CACNA2D3: variants seen among roughly 807,000 people sequenced by gnomAD.
CACNA2D3 encodes voltage-dependent calcium channel subunit alpha-2/delta-3.
In CACNA2D3, 60 loss-of-function variants were observed where a neutral mutation model predicts 160.6. That is an observed-to-expected ratio of 0.37 (90% CI 0.30 to 0.46). CACNA2D3 has a LOEUF of 0.46. CACNA2D3 is among the 20% of genes least tolerant of loss of function. The pLI, the probability that CACNA2D3 is intolerant of heterozygous loss-of-function variation, is 1.00. For synonymous variants in CACNA2D3, 558 were observed against 492.9 expected, an observed-to-expected ratio of 1.13 and a Z score of -1.75; for missense variants, 1,205 against 1,365.0, an observed-to-expected ratio of 0.88 and a Z score of 1.85.
chr3:54,492,895 C>A (rs557430393), intron 4 of CACNA2D3, among the ~76,000 whole-genome samples: 2 of 151,790 alleles, frequency 1.3e-5, no homozygotes, highest in Non-Finnish European at 2.9e-5. Flanking sequence ...CGGAGTGAGC[C>A]CAGAGAGAAT....
chr3:54,635,530 G>A (rs1325597058), intron 10 of CACNA2D3, among the ~76,000 whole-genome samples: 3 of 151,972 alleles, frequency 2.0e-5, no homozygotes, highest in African/African-American at 4.8e-5. Flanking sequence ...AAGTTGGTCC[G>A]GTGTCTGGAA....
intron 2 of CACNA2D3, among the ~76,000 whole-genome samples, chr3:54,312,896 A>G (rs1269321373): frequency 1.3e-5 from 2 of 152,184 alleles, no homozygotes; most frequent in Non-Finnish European, 2.9e-5. Context: ...ATCTCTGCTT[A>G]CTGCACCAAG....
chr3:54,582,494 C>T (rs1380435244), intron 9 of CACNA2D3, among the ~76,000 whole-genome samples: 1 of 152,180 alleles, frequency 6.6e-6, no homozygotes, highest in Non-Finnish European at 1.5e-5. Flanking sequence ...ATCCTGTTTC[C>T]CTTTAGCCAC....
At chr3:54,905,270 G>T (rs1022206035) in intron 27 of CACNA2D3, among the ~76,000 whole-genome samples, 6 of 152,172 alleles carry the variant, frequency 3.9e-5, no homozygotes, top group Non-Finnish European at 5.9e-5. Context: ...GTGTAATGAA[G>T]GGGAAGATCC....
chr3:54,442,794 C>T (rs1216813918), intron 4 of CACNA2D3, among the ~76,000 whole-genome samples: 1 of 152,146 alleles, frequency 6.6e-6, no homozygotes, highest in Non-Finnish European at 1.5e-5. Flanking sequence ...AAGGGCCCTG[C>T]CTATGTACAG....
At chr3:54,888,154 T>C in intron 24 of CACNA2D3, 102 bp downstream of exon 24, 1 of 910,222 alleles carries the variant, frequency 1.1e-6, no homozygotes. Context: ...AACCTGGTGT[T>C]AAAGTTCTTT....
At chr3:54,375,678 G>C (rs1699001092) in intron 3 of CACNA2D3, among the ~76,000 whole-genome samples, 1 of 151,944 alleles carries the variant, frequency 6.6e-6, no homozygotes, top group Non-Finnish European at 1.5e-5. Context: ...TTAGTGGGAA[G>C]TCACTGGTGG....
intron 27 of CACNA2D3, among the ~76,000 whole-genome samples, chr3:54,919,291 C>G (rs1210897492): frequency 6.6e-6 from 1 of 152,176 alleles, no homozygotes; most frequent in Non-Finnish European, 1.5e-5. Flanking sequence ...GTACCAGATT[C>G]CCATTGAAAA....
At position 55,073,489 on chromosome 3, in the gene CACNA2D3, T is replaced by G. The variant is rs1437821708; in HGVS notation, c.3032T>G (p.Val1011Gly). Residue 1011 changes from valine to glycine, a missense_variant, in exon 36 of 38, where the codon GTG becomes GGG. By Grantham distance (109) the Val-to-Gly change is moderately radical. Around this residue, in one of 3 missense-constraint regions of CACNA2D3, gnomAD observed 911 missense variants for 1,002.2 expected, o/e 0.91. Transcript: ENST00000474759. ...QQIPSSNLFM[V>G]VVDSSCLCES... Reference sequence around the variant, plus strand: ...ATCCCAAGCAGCAACCTGTTCATGGTGGTGGTGGACAGCAGCTGCCTCTGT... The same window carrying G: ...ATCCCAAGCAGCAACCTGTTCATGGGGGTGGTGGACAGCAGCTGCCTCTGT... 1 of 1,613,954 alleles carries G rather than the reference T, an allele frequency of 6.2e-7. No individual in the cohort carries two copies. The highest frequency in any genetic ancestry group is 8.5e-7 in the Non-Finnish European group (1 of 1,179,862).
intron 2 of CACNA2D3, among the ~76,000 whole-genome samples, chr3:54,211,102 A>G (rs1451023886): frequency 6.6e-6 from 1 of 152,144 alleles, no homozygotes; most frequent in Non-Finnish European, 1.5e-5. Context: ...GTAATAATTG[A>G]TATTAGTTTA....
chr3:54,376,226 G>T (rs1699009822), intron 3 of CACNA2D3, among the ~76,000 whole-genome samples: 1 of 144,862 alleles, frequency 6.9e-6, no homozygotes, highest in African/African-American at 2.5e-5. Flanking sequence ...TCTGCAGACA[G>T]GAGAGACTAG....
chr3:55,039,977 A>AG (rs1703922266), intron 35 of CACNA2D3, among the ~76,000 whole-genome samples: 1 of 152,106 alleles, frequency 6.6e-6, no homozygotes, highest in South Asian at 2.1e-4. Context: ...TAAAAAAAAA[A>AG]TACCGTAGGC....
At chr3:54,301,310 A>AT (rs1703472634) in intron 2 of CACNA2D3, among the ~76,000 whole-genome samples, 1 of 151,682 alleles carries the variant, frequency 6.6e-6, no homozygotes, top group African/African-American at 2.4e-5. Flanking sequence ...CAGAAAAAAA[A>AT]AAAAGAGGCC....
chr3:55,034,000 T>C (rs945430962), intron 35 of CACNA2D3, among the ~76,000 whole-genome samples: 7 of 149,734 alleles, frequency 4.7e-5, no homozygotes, highest in African/African-American at 1.7e-4. Flanking sequence ...TTCCAAAACA[T>C]TGGCTACTTA....
At chr3:54,349,442 A>G (rs1321177701) in intron 3 of CACNA2D3, among the ~76,000 whole-genome samples, 4 of 152,146 alleles carry the variant, frequency 2.6e-5, no homozygotes, top group Admixed American at 1.3e-4. Flanking sequence ...TATCAGCAAT[A>G]CCAGCCCCAT....
chr3:54,546,381 G>A (rs1414837251), intron 5 of CACNA2D3, among the ~76,000 whole-genome samples: 1 of 152,192 alleles, frequency 6.6e-6, no homozygotes, highest in Non-Finnish European at 1.5e-5. Flanking sequence ...CACCTAACTT[G>A]AAGAAGTAGA....
chr3:54,298,879 A>C (rs1411423257), intron 2 of CACNA2D3, among the ~76,000 whole-genome samples: 2 of 140,242 alleles, frequency 1.4e-5, no homozygotes, highest in African/African-American at 5.3e-5. Flanking sequence ...CAGGATGTCG[A>C]GGCTGCAGTG....
At chr3:54,374,077 C>T (rs574913980) in intron 3 of CACNA2D3, among the ~76,000 whole-genome samples, 6 of 152,226 alleles carry the variant, frequency 3.9e-5, no homozygotes, top group South Asian at 4.2e-4. Context: ...TATCTTTAGG[C>T]GTTTCAAGTA....
At chr3:55,041,928 C>T (rs556255358) in intron 35 of CACNA2D3, among the ~76,000 whole-genome samples, 219 of 151,902 alleles carry the variant, frequency 1.4e-3, no homozygotes, top group African/African-American at 4.7e-3. Context: ...AGAAGTGTGC[C>T]GCTTAATTTT....
Sources: allele counts gnomAD v4.1 joint callset (sites outside exome capture counted in the v4.1 genomes callset), GRCh38; gene constraint gnomAD v4.1.1; regional missense constraint gnomAD v4.1.1; transcripts MANE v1.5; gene names NCBI Gene and HGNC (gene_info 2026-07-23, HGNC 2026-07-21).